DDX11: variants seen among roughly 807,000 people sequenced by gnomAD.
DDX11 encodes the protein DEAD/H-box helicase 11.
DDX11 carries 72 observed loss-of-function variants against 125.2 expected under a neutral mutation model. The ratio of observed to expected loss-of-function variants is 0.58; its 90% confidence interval spans 0.48 to 0.70. DDX11 has a LOEUF of 0.70. Ranked by LOEUF, DDX11 falls within the 30% of genes least tolerant of loss-of-function variation. DDX11 has a pLI of 0.00. For missense variants in DDX11, 883 were observed against 1,165.0 expected, an observed-to-expected ratio of 0.76 and a Z score of 3.52; for synonymous variants, 347 against 452.6, an observed-to-expected ratio of 0.77 and a Z score of 2.96.
At chr12:31,087,611 G>A in intron 5 of DDX11, 1 of 424,140 alleles carries the variant, frequency 2.4e-6, no homozygotes, top group South Asian at 2.1e-5. Flanking sequence ...TCCGCCCTGG[G>A]GCCTCAGAGG....
At chr12:31,092,748 C>T in intron 10 of DDX11, 98 bp from the exon 11 acceptor site, 3 of 1,320,296 alleles carry the variant, frequency 2.3e-6, no homozygotes, top group South Asian at 1.2e-5. Flanking sequence ...TGGTGGCTTC[C>T]TGTGTGTCCA....
chr12:31,101,723 C>T lies in DDX11; in HGVS notation c.2053-110C>T, dbSNP rs1005635691. On this transcript the variant is annotated intron_variant, in intron 20 of 26. Transcript: ENST00000542838. ...CCAAGTCCTCTTCCTTGGCTGTAGT[C>T]CTGCCGAGGGTCTCTCCTCAGTTTT... 45 of 1,495,526 alleles carry T rather than the reference C, an allele frequency of 3.0e-5. No homozygotes were observed. The East Asian group carries it at 8.4e-4, about 28-fold the overall frequency. The allele number at this position is 1,495,526 out of a possible 1,614,324, so 92.6% of individuals were successfully genotyped here.
intron 8 of DDX11, 80 bp from the exon 9 acceptor site, chr12:31,089,806 A>G (rs1371269526): frequency 1.1e-5 from 17 of 1,556,916 alleles, no homozygotes; most frequent in Non-Finnish European, 1.5e-5. Flanking sequence ...GTGGGTCTCA[A>G]CATTACACAA....
At chr12:31,074,730 A>T (rs951680864) in intron 1 of DDX11, among the ~76,000 whole-genome samples, 2 of 152,228 alleles carry the variant, frequency 1.3e-5, no homozygotes, top group Non-Finnish European at 2.9e-5. Flanking sequence ...GCCCTGGCTT[A>T]ACAGCAGTGC....
intron 2 of DDX11, among the ~76,000 whole-genome samples, chr12:31,082,459 GCA>G: frequency 1.3e-5 from 2 of 151,990 alleles, no homozygotes; most frequent in African/African-American, 4.8e-5. Flanking sequence ...TGGAACCCTG[GCA>G]CCTGGCTGTG....
At position 31,102,058 on chromosome 12, in the gene DDX11, C is replaced by A. The variant is rs925731802; in HGVS notation, c.2202+76C>A. On this transcript the variant is annotated intron_variant, in intron 21 of 26. Transcript: ENST00000542838. ...TCCTCCTGGGAGCTCTCGTGCTCAT[C>A]GGGTCAGGACAGGCTTCTGGCTCCT... The A allele has an allele frequency of 4.4e-6, 7 of 1,574,014 alleles. No individual in the cohort carries two copies. In the African/African-American group the frequency reaches 6.8e-5, roughly 15 times the overall value.
In DDX11 at chr12:31,092,843, C is replaced by T. The variant is rs1274020035; in HGVS notation, c.1243-3C>T. 1.9e-6 allele frequency: 3 copies of T among 1,613,780 alleles called. No individual in the cohort carries two copies. In the East Asian group the frequency reaches 6.7e-5, roughly 36 times the overall value. On this transcript the variant is annotated splice_region_variant and splice_polypyrimidine_tract_variant and intron_variant, in intron 10 of 26. Transcript: ENST00000542838. ...CAGAGCCTGGTTTGTGTTCTTTCCC[C>T]AGCTCTGCCAGGCCCATTCCCAGCT...
chr12:31,077,801 G>A (rs12579271), intron 1 of DDX11: 5,600 of 179,120 alleles, frequency 0.031, 424 homozygotes, highest in East Asian at 0.22. Flanking sequence ...CCGAGATTGC[G>A]CCACTGCACT....
At chr12:31,103,455 A>G in intron 25 of DDX11, 60 bp downstream of exon 25, 1 of 1,601,920 alleles carries the variant, frequency 6.2e-7, no homozygotes, top group Non-Finnish European at 8.5e-7. Flanking sequence ...GGAGAACAGG[A>G]AAGAGGGGTT....
chr12:31,103,952 G>C lies in DDX11; in HGVS notation c.*116G>C. 1 of 1,604,240 alleles carries C rather than the reference G, an allele frequency of 6.2e-7. No homozygotes were observed. Among genetic ancestry groups the C allele is most frequent in the Non-Finnish European group, 8.5e-7 (1 of 1,175,680 alleles). The stretch of plus-strand genomic sequence containing the variant: ...CTGTTACAAAGGTGAAACCCAGGAG[G>C]AGAGTGTGGAGTCCAGAGTGCTGCC... On this transcript the variant is annotated 3_prime_UTR_variant, in exon 27 of 27. Transcript: ENST00000542838.
At chr12:31,100,855 T>A (rs1449283242) in intron 19 of DDX11, 148 bp downstream of exon 19, 1 of 1,088,500 alleles carries the variant, frequency 9.2e-7, no homozygotes, top group Non-Finnish European at 1.4e-6. Context: ...GCCCAGGCTC[T>A]CCTGCTTTGC....
intron 2 of DDX11, among the ~76,000 whole-genome samples, chr12:31,080,230 C>T (rs71440936): frequency 0.52 from 75,509 of 144,628 alleles, 20,936 homozygotes; most frequent in East Asian, 0.81. Context: ...GCCTCTGAGC[C>T]CTGGCCCAGC....
intron 1 of DDX11, among the ~76,000 whole-genome samples, chr12:31,075,961 C>T (rs1401791863): frequency 1.3e-5 from 2 of 151,874 alleles, no homozygotes; most frequent in Admixed American, 6.6e-5. Flanking sequence ...GCCAGACAGC[C>T]GGAGAGGCTT....
intron 17 of DDX11, among the ~76,000 whole-genome samples, chr12:31,097,364 A>G (rs1479926856): frequency 2.0e-5 from 3 of 151,696 alleles, no homozygotes; most frequent in African/African-American, 7.3e-5. Context: ...TTCTTTCTCA[A>G]CTTCAGTTTC....
chr12:31,100,117 G>A (rs532606628), intron 18 of DDX11, among the ~76,000 whole-genome samples: 2 of 152,268 alleles, frequency 1.3e-5, no homozygotes, highest in South Asian at 2.1e-4. Flanking sequence ...TTTGTGGGCT[G>A]TATCTTCTCA....
Position 31,103,699 on chromosome 12 carries a change from A to C in DDX11, c.2659A>C (p.Thr887Pro), listed in dbSNP as rs775070156. The C allele has an allele frequency of 2.5e-6, 4 of 1,613,706 alleles. No individual in the cohort carries two copies. Among genetic ancestry groups the C allele is most frequent in the Non-Finnish European group, 1.7e-6 (2 of 1,179,934 alleles). ...WIRARVEVKA[T>P]FGPAIAAVQK... ...CCGAGCCCGTGTGGAGGTCAAAGCT[A>C]CCTTTGGCCCCGCCATTGCTGCTGT... Residue 887 changes from threonine (T) to proline (P), a missense_variant, in exon 26 of 27, where the codon ACC becomes CCC. By Grantham distance (38) the Thr-to-Pro change is conservative. Coordinates refer to ENST00000542838, the MANE Select transcript of DDX11 (RefSeq NM_030653.4).
chr12:31,100,577 C>G, intron 18 of DDX11, 58 bp from the exon 19 acceptor site: 1 of 1,500,236 alleles, frequency 6.7e-7, no homozygotes, highest in Non-Finnish European at 9.1e-7. Flanking sequence ...TTCTCGCTTC[C>G]TTTCTGCTGG....
Position 31,101,950 on chromosome 12 carries a change from G to A in DDX11, c.2170G>A (p.Gly724Ser), listed in dbSNP as rs779515265. ...GGTCCATGCCCACTGGGAGAAGGGT[G>A]GCCTGCTGGGCCGTCTGGCTGCCAG... ...RQVHAHWEKG[G>S]LLGRLAARKK... The change falls in exon 21 of 27, where the codon GGC becomes AGC. Residue 724 changes from glycine (G) to serine (S), a missense_variant. Gly to Ser is a moderately conservative substitution (Grantham distance 56). Transcript: ENST00000542838. 6.2e-7 allele frequency: 1 copy of A among 1,613,322 alleles called. No homozygotes were observed. Among genetic ancestry groups the A allele is most frequent in the Middle Eastern group, 1.8e-4 (1 of 5,690 alleles).
chr12:31,086,600 C>T (rs558580478), intron 5 of DDX11, among the ~76,000 whole-genome samples: 1 of 152,306 alleles, frequency 6.6e-6, no homozygotes, highest in East Asian at 1.9e-4. Flanking sequence ...TGCTCCCTCT[C>T]TTCTCCCTTA....
Sources: allele counts gnomAD v4.1 joint callset (sites outside exome capture counted in the v4.1 genomes callset), GRCh38; gene constraint gnomAD v4.1.1; transcripts MANE v1.5; gene names NCBI Gene and HGNC (gene_info 2026-07-23, HGNC 2026-07-21).